Variants in ST7 observed in about 807,000 individuals in gnomAD.
ST7 encodes suppressor of tumorigenicity 7 protein.
Under a neutral mutation model 78.7 loss-of-function variants are expected in ST7, and 28 were observed. The observed-to-expected ratio is 0.36, with a 90% CI of 0.26 to 0.49. ST7 has a LOEUF of 0.49. ST7 is among the 20% of genes least tolerant of loss of function. The probability of loss-of-function intolerance (pLI) is 0.99; values close to 1 mark genes in which losing one functional copy is unlikely to be tolerated. For synonymous variants in ST7, 247 were observed against 249.6 expected, an observed-to-expected ratio of 0.99 and a Z score of 0.10; for missense variants, 418 against 696.0, an observed-to-expected ratio of 0.60 and a Z score of 4.49.
chr7:117,058,538 G>A (rs376831908), intron 1 of ST7, among the ~76,000 whole-genome samples: 1 of 152,116 alleles, frequency 6.6e-6, no homozygotes, highest in Non-Finnish European at 1.5e-5. Context: ...TGGTAAAATT[G>A]AGCATCATAA....
rs537179019 is a variant in ST7 at position 117,161,142 on chromosome 7, A to G, written c.964-9720A>G. ...TGCCAACACCACCATAAATAGCTACAGAGCCAAACCCCTGAAGGGAAGAAA... is the reference window on the plus strand; with the variant it reads ...TGCCAACACCACCATAAATAGCTACGGAGCCAAACCCCTGAAGGGAAGAAA... On this transcript the variant is annotated intron_variant, in intron 9 of 15. Transcript: ENST00000323984. Among the ~76,000 whole-genome samples the G allele has an allele frequency of 3.3e-5, 5 of 152,148 alleles. No homozygotes were observed. In the East Asian group the frequency reaches 5.8e-4, roughly 18 times the overall value.
intron 1 of ST7, among the ~76,000 whole-genome samples, chr7:116,981,806 A>G (rs111337317): frequency 0.011 from 1,731 of 152,312 alleles, 27 homozygotes; most frequent in African/African-American, 0.038. Context: ...CCAGGAATAT[A>G]GTCATTTATT....
At chr7:117,167,452 A>G (rs764862077) in intron 9 of ST7, among the ~76,000 whole-genome samples, 24 of 152,004 alleles carry the variant, frequency 1.6e-4, no homozygotes, top group Non-Finnish European at 3.2e-4. Context: ...GGAAATACCA[A>G]GGAGGGAAGA....
At chr7:117,210,727 T>A (rs1428351589) in intron 13 of ST7, among the ~76,000 whole-genome samples, 1 of 152,106 alleles carries the variant, frequency 6.6e-6, no homozygotes, top group African/African-American at 2.4e-5. Context: ...AAGGACACCA[T>A]GTGAAGAAAT....
intron 1 of ST7, among the ~76,000 whole-genome samples, chr7:117,073,608 CTCTT>C (rs1369737182): frequency 6.6e-6 from 1 of 152,200 alleles, no homozygotes; most frequent in Admixed American, 6.5e-5. Flanking sequence ...CCGGGTTTAA[CTCTT>C]TCTTCTACTG....
chr7:117,216,152 T>C (rs937735483), intron 13 of ST7, among the ~76,000 whole-genome samples: 2 of 152,118 alleles, frequency 1.3e-5, no homozygotes, highest in Non-Finnish European at 2.9e-5. Flanking sequence ...AAAATGTGTC[T>C]GGTCAGGGAT....
intron 1 of ST7, among the ~76,000 whole-genome samples, chr7:116,976,103 CAT>C (rs900054088): frequency 2.0e-5 from 3 of 151,818 alleles, no homozygotes; most frequent in African/African-American, 4.8e-5. Context: ...TCTACTAAAA[CAT>C]ACAAAAAAAA....
At chr7:117,096,067 CAAAAAAAAAAAAA>C (rs35970973) in intron 1 of ST7, among the ~76,000 whole-genome samples, 105 of 35,712 alleles carry the variant, frequency 2.9e-3, no homozygotes, top group African/African-American at 8.5e-3. Context: ...GATTCTGCCT[CAAAAAAAAAAAAA>C]AAAAAAAAAA....
intron 1 of ST7, among the ~76,000 whole-genome samples, chr7:117,046,141 C>A (rs969851645): frequency 1.3e-5 from 2 of 152,128 alleles, no homozygotes; most frequent in Non-Finnish European, 2.9e-5. Flanking sequence ...AAGAGTCAGA[C>A]CCATATCTGT....
chr7:117,156,044 A>G (rs940291764), intron 9 of ST7, among the ~76,000 whole-genome samples: 1 of 152,178 alleles, frequency 6.6e-6, no homozygotes, highest in Admixed American at 6.5e-5. Flanking sequence ...TAAAAATCAC[A>G]TCTGCCTGTG....
intron 1 of ST7, among the ~76,000 whole-genome samples, chr7:117,062,330 G>A (rs1798403380): frequency 6.6e-6 from 1 of 152,146 alleles, no homozygotes; most frequent in Non-Finnish European, 1.5e-5. Context: ...CATAATAGAT[G>A]GTAATTTTGC....
rs1444886646 is a variant in ST7, at chr7:117,098,532, A to G, written c.152-1230A>G. 4 of 218,486 alleles carry G rather than the reference A, an allele frequency of 1.8e-5. No individual in the cohort carries two copies. In the East Asian group the frequency reaches 5.8e-4, roughly 32 times the overall value. 13.5% of individuals were successfully genotyped at this position (218,486 alleles called of 1,614,324 possible). On this transcript the variant is annotated intron_variant, in intron 1 of 15. Transcript: ENST00000323984. ...GTTGCTCATTTGCTTGTGTGTTTCAACTGCACTTGGTCTTCTAGAGAGTGG... is the reference window on the plus strand; with the variant it reads ...GTTGCTCATTTGCTTGTGTGTTTCAGCTGCACTTGGTCTTCTAGAGAGTGG...
At chr7:117,020,590 C>T in intron 1 of ST7, 4 of 1,548,658 alleles carry the variant, frequency 2.6e-6, no homozygotes, top group Non-Finnish European at 3.5e-6. Flanking sequence ...TTTTAAAAAG[C>T]AGCCTCTGGA....
At chr7:116,989,941 TTTTG>T (rs1393833513) in intron 1 of ST7, among the ~76,000 whole-genome samples, 4 of 152,206 alleles carry the variant, frequency 2.6e-5, no homozygotes, top group South Asian at 4.2e-4. Flanking sequence ...TTAACCATGT[TTTTG>T]TTTGTTTGTT....
Position 117,130,638 on chromosome 7 carries a change from G to A in ST7, c.565+32G>A, listed in dbSNP as rs1804270305. ...AAAATCCATACATCCTTCTGAATGG[G>A]AGGGCTTTTTGGCTTAAGTGTCAAG... On this transcript the variant is annotated intron_variant, in intron 5 of 15. Transcript: ENST00000323984. 8.4e-6 allele frequency: 13 copies of A among 1,553,110 alleles called. No individual in the cohort carries two copies. In the East Asian group the frequency reaches 2.7e-4, roughly 33 times the overall value.
intron 1 of ST7, among the ~76,000 whole-genome samples, chr7:117,034,486 A>G (rs968601691): frequency 2.5e-4 from 38 of 152,220 alleles, no homozygotes; most frequent in African/African-American, 8.7e-4. Context: ...ATTTAGTCTC[A>G]TCTCTCAGAG....
At chr7:117,146,084 A>G (rs966548254) in intron 9 of ST7, 1 of 152,232 alleles carries the variant, frequency 6.6e-6, no homozygotes, top group Admixed American at 6.5e-5. Context: ...TGTGCCATAC[A>G]TTCTGCTAAG....
At chr7:117,013,422 A>G (rs907790077) in intron 1 of ST7, among the ~76,000 whole-genome samples, 1 of 152,236 alleles carries the variant, frequency 6.6e-6, no homozygotes, top group Non-Finnish European at 1.5e-5. Context: ...AGTTGATGAG[A>G]ATTAACAGCT....
intron 1 of ST7, among the ~76,000 whole-genome samples, chr7:116,990,902 A>G (rs1794396881): frequency 6.6e-6 from 1 of 152,210 alleles, no homozygotes; most frequent in Non-Finnish European, 1.5e-5. Context: ...AAAAGAGCAG[A>G]TATTCTAAGT....
Sources: gnomAD v4.1 joint callset for allele counts (sites outside exome capture counted in the v4.1 genomes callset) on GRCh38, gnomAD v4.1.1 for gene constraint, MANE v1.5 for transcripts, NCBI Gene and HGNC (gene_info 2026-07-23, HGNC 2026-07-21) for gene names.